Variants in GBE1 observed in about 807,000 individuals in gnomAD.
GBE1 encodes 1,4-alpha-glucan branching enzyme 1, also known as 1,4-alpha-glucan-branching enzyme.
Under a neutral mutation model 88.8 loss-of-function variants are expected in GBE1, and 70 were observed. The ratio of observed to expected loss-of-function variants is 0.79; its 90% CI spans 0.65 to 0.96. The LOEUF is 0.96. Ranked by LOEUF, GBE1 falls within the 40% of genes least tolerant of loss-of-function variation. GBE1 has a pLI of 0.00. For missense variants in GBE1, 872 were observed against 871.0 expected (o/e 1.00, Z -0.01); for synonymous variants, 284 against 300.1 (o/e 0.95, Z 0.56).
chr3:81,500,399 C>G (rs1702571744), intron 14 of GBE1, among the ~76,000 whole-genome samples: 1 of 151,778 alleles, frequency 6.6e-6, no homozygotes, highest in Non-Finnish European at 1.5e-5. Flanking sequence ...AAAGACATGG[C>G]AAATAATGAA....
intron 2 of GBE1, among the ~76,000 whole-genome samples, chr3:81,693,442 T>A (rs1013280741): frequency 3.3e-5 from 5 of 152,126 alleles, no homozygotes; most frequent in Non-Finnish European, 7.4e-5. Context: ...CAACTACTTA[T>A]AATAACATCA....
intron 2 of GBE1, among the ~76,000 whole-genome samples, chr3:81,688,360 ATTC>A (rs1316770624): frequency 6.6e-6 from 1 of 152,216 alleles, no homozygotes; most frequent in African/African-American, 2.4e-5. Flanking sequence ...ATCAAGTTTT[ATTC>A]TTCTTTGTAC....
intron 7 of GBE1, among the ~76,000 whole-genome samples, chr3:81,632,358 C>G (rs182584581): frequency 6.6e-6 from 1 of 151,730 alleles, no homozygotes; most frequent in Admixed American, 6.6e-5. Flanking sequence ...AACAAATTTA[C>G]GAGAAAAAAA....
intron 3 of GBE1, chr3:81,654,894 A>C (rs940372828): frequency 4.9e-4 from 75 of 152,286 alleles, no homozygotes; most frequent in Admixed American, 4.9e-3. Context: ...AACATATTTT[A>C]ACAACATGTA....
At chr3:81,632,214 G>A (rs556523187) in intron 7 of GBE1, among the ~76,000 whole-genome samples, 43 of 152,236 alleles carry the variant, frequency 2.8e-4, no homozygotes, top group African/African-American at 9.1e-4. Flanking sequence ...TAATATTGAT[G>A]GGCATTTGGG....
rs538666455 is a variant in GBE1, at chr3:81,736,430, T to C, written c.143+24945A>G. 3.9e-5 allele frequency among the ~76,000 whole-genome samples: 6 copies of C among 152,266 alleles called. No homozygotes were observed. The South Asian group carries it at 6.2e-4, about 16-fold the overall frequency. On this transcript the variant is annotated intron_variant, in intron 1 of 15. Coordinates refer to ENST00000429644, the MANE Select transcript of GBE1 (RefSeq NM_000158.4). ...AAATCCAGACTCCTGTTAACAACAC[T>C]CCTATACATAAATTTGGCTCCATCT...
chr3:81,502,534 C>A (rs930479256), intron 14 of GBE1, among the ~76,000 whole-genome samples: 1 of 152,050 alleles, frequency 6.6e-6, no homozygotes, highest in African/African-American at 2.4e-5. Flanking sequence ...GAAATTTCTA[C>A]AAATTTAAAC....
At chr3:81,630,693 C>T (rs767224548) in intron 7 of GBE1, among the ~76,000 whole-genome samples, 5 of 152,118 alleles carry the variant, frequency 3.3e-5, no homozygotes, top group Non-Finnish European at 5.9e-5. Flanking sequence ...GTGTAAAATA[C>T]ACACCAAATT....
chr3:81,751,925 A>G (rs941430890), intron 1 of GBE1, among the ~76,000 whole-genome samples: 11 of 152,196 alleles, frequency 7.2e-5, no homozygotes, highest in African/African-American at 2.7e-4. Context: ...GTATCATGTG[A>G]TATCACCGGT....
At chr3:81,712,956 G>A (rs973085157) in intron 1 of GBE1, among the ~76,000 whole-genome samples, 5 of 151,990 alleles carry the variant, frequency 3.3e-5, no homozygotes, top group Non-Finnish European at 5.9e-5. Flanking sequence ...TTAACCACTC[G>A]AGACTTTAAA....
chr3:81,520,609 T>G (rs1233360588), intron 14 of GBE1, among the ~76,000 whole-genome samples: 1 of 151,604 alleles, frequency 6.6e-6, no homozygotes, highest in African/African-American at 2.4e-5. Context: ...AGGCATTATG[T>G]TTCTTTCTTT....
chr3:81,547,558 CCCAGA>C (rs1703221842), intron 12 of GBE1, among the ~76,000 whole-genome samples: 2 of 150,964 alleles, frequency 1.3e-5, no homozygotes, highest in Non-Finnish European at 1.5e-5. Context: ...GGCAAGGGAA[CCCAGA>C]AGCCCGGCAT....
chr3:81,754,425 G>A (rs1470946046), intron 1 of GBE1, among the ~76,000 whole-genome samples: 2 of 147,570 alleles, frequency 1.4e-5, no homozygotes, highest in African/African-American at 5.1e-5. Context: ...TCAAAACGCT[G>A]ATTATCATAT....
chr3:81,708,634 G>T (rs956382975), intron 1 of GBE1, among the ~76,000 whole-genome samples: 1 of 152,048 alleles, frequency 6.6e-6, no homozygotes, highest in African/African-American at 2.4e-5. Flanking sequence ...CACTCTTCAA[G>T]TAACTCTATT....
intron 12 of GBE1, among the ~76,000 whole-genome samples, chr3:81,568,770 G>A (rs1032774008): frequency 2.6e-5 from 4 of 152,050 alleles, no homozygotes; most frequent in African/African-American, 9.7e-5. Flanking sequence ...TGTTAGACAC[G>A]AACGTGTGTG....
At chr3:81,592,268 C>T (rs1703889575) in intron 8 of GBE1, among the ~76,000 whole-genome samples, 1 of 152,076 alleles carries the variant, frequency 6.6e-6, no homozygotes, top group Non-Finnish European at 1.5e-5. Flanking sequence ...CAAAAGTGCG[C>T]CCTTTGACCA....
Position 81,490,457 on chromosome 3 carries a change from T to C in GBE1, c.2059A>G (p.Ile687Val), listed in dbSNP as rs868515608. The C allele has an allele frequency of 7.4e-6, 12 of 1,612,778 alleles. No homozygotes were observed. The Middle Eastern group carries it at 1.8e-3, about 244-fold the overall frequency. The change falls in exon 16 of 16, where the codon ATT becomes GTT. Residue 687 changes from isoleucine (I) to valine (V), a missense_variant. Physicochemically the swap from Ile to Val is conservative, Grantham distance 29. Coordinates refer to ENST00000429644, the MANE Select transcript of GBE1 (RefSeq NM_000158.4). ...AGGATGAGGGCCACTCTGCTTGGAA[T>C]GTACACCTACGTCAAAACAATTATG... is the stretch of plus-strand genomic sequence containing the variant. ...NGRPYSLLVY[I>V]PSRVALILQN...
chr3:81,502,090 T>C (rs924175850), intron 14 of GBE1, among the ~76,000 whole-genome samples: 19 of 151,950 alleles, frequency 1.3e-4, no homozygotes, highest in Non-Finnish European at 2.6e-4. Flanking sequence ...TTATTTTCAA[T>C]GTTATAGTAA....
chr3:81,531,847 T>A (rs987115201), intron 14 of GBE1, among the ~76,000 whole-genome samples: 1 of 152,050 alleles, frequency 6.6e-6, no homozygotes, highest in African/African-American at 2.4e-5. Context: ...AACCCCAGGG[T>A]ACTTTAGTGT....
Sources: allele counts gnomAD v4.1 joint callset (sites outside exome capture counted in the v4.1 genomes callset), GRCh38; gene constraint gnomAD v4.1.1; transcripts MANE v1.5; gene names NCBI Gene and HGNC (gene_info 2026-07-23, HGNC 2026-07-21).